IL1RAPL1: variants seen among roughly 807,000 people sequenced by gnomAD.
IL1RAPL1 encodes interleukin 1 receptor accessory protein like 1.
IL1RAPL1 carries 3 observed loss-of-function variants against 48.4 expected under a neutral mutation model. That is an observed-to-expected ratio of 0.06 (90% CI 0.03 to 0.16). IL1RAPL1 has a LOEUF of 0.16. Ranked by LOEUF, IL1RAPL1 falls within the 10% of genes least tolerant of loss-of-function variation. The pLI is 1.00. For synonymous variants in IL1RAPL1, 185 were observed against 187.7 expected, an observed-to-expected ratio of 0.99 and a Z score of 0.12; for missense variants, 349 against 530.6, an observed-to-expected ratio of 0.66 and a Z score of 3.36.
intron 5 of IL1RAPL1, among the ~76,000 whole-genome samples, chrX:29,496,910 T>C (rs1217243489): frequency 8.9e-6 from 1 of 112,140 alleles, no homozygotes; most frequent in Non-Finnish European, 1.9e-5. Context: ...TTCTCAGTGA[T>C]TGGAAATGCA....
At chrX:29,217,777 TCACACA>T (rs750727005) in intron 2 of IL1RAPL1, among the ~76,000 whole-genome samples, 60 of 60,634 alleles carry the variant, frequency 9.9e-4, no homozygotes, top group African/African-American at 3.4e-3. Flanking sequence ...TCTCTCTCTC[TCACACA>T]CACACACACA....
At chrX:28,594,258 G>A (rs780483151) in intron 1 of IL1RAPL1, among the ~76,000 whole-genome samples, 4 of 111,499 alleles carry the variant, frequency 3.6e-5, no homozygotes, top group African/African-American at 9.8e-5. Flanking sequence ...GTTGAATTTC[G>A]GTATAGATGG....
chrX:29,017,599 A>G (rs1926269893), intron 2 of IL1RAPL1, among the ~76,000 whole-genome samples: 1 of 111,749 alleles, frequency 8.9e-6, no homozygotes, highest in Non-Finnish European at 1.9e-5. Flanking sequence ...TGGATGTTGC[A>G]GTTGCACTGA....
intron 5 of IL1RAPL1, among the ~76,000 whole-genome samples, chrX:29,449,927 C>CAAA (rs1163489149): frequency 2.1e-5 from 2 of 95,782 alleles, no homozygotes; most frequent in African/African-American, 7.5e-5. Context: ...AAAAATGGAC[C>CAAA]AAAAAAAAAA....
chrX:29,221,331 GACCAAAC>G (rs1305218574), intron 2 of IL1RAPL1, among the ~76,000 whole-genome samples: 1 of 111,320 alleles, frequency 9.0e-6, no homozygotes, highest in African/African-American at 3.3e-5. Flanking sequence ...TGATGAAACT[GACCAAAC>G]ACACCTTCCA....
At chrX:28,707,700 C>T (rs1012185843) in intron 1 of IL1RAPL1, among the ~76,000 whole-genome samples, 1 of 111,860 alleles carries the variant, frequency 8.9e-6, no homozygotes, top group African/African-American at 3.3e-5. Context: ...ATGATGTTAA[C>T]TACAATATAT....
chrX:28,779,602 A>C, intron 1 of IL1RAPL1, among the ~76,000 whole-genome samples: 1 of 91,669 alleles, frequency 1.1e-5, no homozygotes. Flanking sequence ...TTTATCAGGT[A>C]CAGAGTGATA....
At chrX:29,860,562 A>G (rs748729500) in intron 6 of IL1RAPL1, among the ~76,000 whole-genome samples, 3 of 109,457 alleles carry the variant, frequency 2.7e-5, no homozygotes, top group Non-Finnish European at 5.7e-5. Flanking sequence ...CTCTGTGTCC[A>G]TGTGTTCTCA....
chrX:28,968,316 G>A (rs1924971367), intron 2 of IL1RAPL1, among the ~76,000 whole-genome samples: 1 of 110,831 alleles, frequency 9.0e-6, no homozygotes, highest in Non-Finnish European at 1.9e-5. Context: ...TTAATTTGGG[G>A]GGCTGAGATA....
chrX:28,976,703 C>T (rs1925215498), intron 2 of IL1RAPL1, among the ~76,000 whole-genome samples: 1 of 110,668 alleles, frequency 9.0e-6, no homozygotes, highest in Non-Finnish European at 1.9e-5. Context: ...AGAAGAGATC[C>T]AAAGACTGAA....
intron 5 of IL1RAPL1, among the ~76,000 whole-genome samples, chrX:29,610,152 G>T (rs895524954): frequency 9.0e-6 from 1 of 111,603 alleles, no homozygotes; most frequent in African/African-American, 3.3e-5. Context: ...CAAATGTTAG[G>T]CAAGCATGTA....
intron 6 of IL1RAPL1, among the ~76,000 whole-genome samples, chrX:29,840,081 G>C (rs1338345242): frequency 1.8e-5 from 2 of 112,071 alleles, no homozygotes; most frequent in East Asian, 5.6e-4. Context: ...GGCTAGAAGA[G>C]GTCATAACGG....
chrX:29,037,479 A>T (rs911404765), intron 2 of IL1RAPL1, among the ~76,000 whole-genome samples: 42 of 111,610 alleles, frequency 3.8e-4, no homozygotes, highest in African/African-American at 1.2e-3. Flanking sequence ...GAATTATTTT[A>T]AAAAATTATA....
At chrX:29,817,554 A>C (rs1459458069) in intron 6 of IL1RAPL1, among the ~76,000 whole-genome samples, 2 of 111,624 alleles carry the variant, frequency 1.8e-5, no homozygotes, top group Non-Finnish European at 3.8e-5. Context: ...ACACTTCTGC[A>C]ATGATGTCTC....
At chrX:28,654,305 A>G (rs1037827098) in intron 1 of IL1RAPL1, among the ~76,000 whole-genome samples, 1 of 110,892 alleles carries the variant, frequency 9.0e-6, no homozygotes, top group Non-Finnish European at 1.9e-5. Context: ...ACTACACTGT[A>G]CCAAATGCTT....
chrX:29,025,383 G>T (rs980199873), intron 2 of IL1RAPL1, among the ~76,000 whole-genome samples: 2 of 111,436 alleles, frequency 1.8e-5, no homozygotes, highest in African/African-American at 6.5e-5. Context: ...CTCCTAGTTG[G>T]GCTTCCAGTT....
chrX:29,467,572 C>T (rs1255217980), intron 5 of IL1RAPL1, among the ~76,000 whole-genome samples: 2 of 112,181 alleles, frequency 1.8e-5, no homozygotes, highest in African/African-American at 6.5e-5. Context: ...TGGGCACCGG[C>T]AGGAATGAAC....
chrX:29,230,005 G>T (rs1227853485), intron 2 of IL1RAPL1, among the ~76,000 whole-genome samples: 4 of 111,881 alleles, frequency 3.6e-5, no homozygotes, highest in African/African-American at 1.3e-4. Flanking sequence ...ACATTGTATT[G>T]TTGCTCTAAG....
chrX:29,770,239 T>C (rs1929027225), intron 6 of IL1RAPL1, among the ~76,000 whole-genome samples: 1 of 112,088 alleles, frequency 8.9e-6, no homozygotes, highest in Admixed American at 9.5e-5. Flanking sequence ...TGGAACCAAA[T>C]AGCAGATTAG....
Sources: allele counts gnomAD v4.1 joint callset (sites outside exome capture counted in the v4.1 genomes callset), GRCh38; gene constraint gnomAD v4.1.1; transcripts MANE v1.5; gene names NCBI Gene and HGNC (gene_info 2026-07-23, HGNC 2026-07-21).